CSGALNACT2: variants seen among roughly 807,000 people sequenced by gnomAD.
CSGALNACT2 encodes chondroitin sulfate N-acetylgalactosaminyltransferase 2.
Under a neutral mutation model 55.3 loss-of-function variants are expected in CSGALNACT2, and 35 were observed. The observed-to-expected ratio is 0.63, with a 90% confidence interval of 0.48 to 0.84. The LOEUF is 0.84. CSGALNACT2 is among the 40% of genes least tolerant of loss of function. The pLI is 0.00. For missense variants in CSGALNACT2, 544 were observed against 657.5 expected (o/e 0.83, Z 1.89); for synonymous variants, 196 against 224.9 (o/e 0.87, Z 1.15).
Position 43,179,948 on chromosome 10 carries a change from G to A in CSGALNACT2, c.1337-3302G>A, listed in dbSNP as rs914751369. On this transcript the variant is annotated intron_variant, in intron 7 of 7. Transcript: ENST00000374466. ...CAGTTCCTTAGGGAAGAACTTTGGAGCACTTTGTTCTTATGGACTTCCTCT... is the reference window on the plus strand; with the variant it reads ...CAGTTCCTTAGGGAAGAACTTTGGAACACTTTGTTCTTATGGACTTCCTCT... Among the ~76,000 whole-genome samples the A allele has an allele frequency of 2.0e-5, 3 of 152,322 alleles. No homozygotes were observed. In the East Asian group the frequency reaches 5.8e-4, roughly 29 times the overall value.
intron 6 of CSGALNACT2, among the ~76,000 whole-genome samples, chr10:43,174,372 C>T (rs1183093122): frequency 6.6e-6 from 1 of 152,118 alleles, no homozygotes; most frequent in Non-Finnish European, 1.5e-5. Flanking sequence ...GTCACCTCTG[C>T]AGACCTTGAT....
intron 6 of CSGALNACT2, 75 bp downstream of exon 6, chr10:43,167,173 A>C (rs1354136617): frequency 3.2e-6 from 3 of 942,420 alleles, no homozygotes; most frequent in Non-Finnish European, 5.0e-6. Flanking sequence ...AGTAGAAAAC[A>C]AAGTTTCAAT....
rs1354403467 is a variant in CSGALNACT2, at chr10:43,153,284, A to G, written c.-253-1613A>G. ...CAGGAGGCGGAGCTTGCAGCGAGCCAAGATCGCGCCACTGCACTGCAGCCT... is the reference window on the plus strand; with the variant it reads ...CAGGAGGCGGAGCTTGCAGCGAGCCGAGATCGCGCCACTGCACTGCAGCCT... On this transcript the variant is annotated intron_variant, in intron 1 of 7. Transcript: ENST00000374466. 8.5e-5 allele frequency among the ~76,000 whole-genome samples: 12 copies of G among 140,362 alleles called. 1 individual carries two copies. Among genetic ancestry groups the G allele is most frequent in the Admixed American group, 8.3e-4 (11 of 13,186 alleles). The allele number at this position is 140,362 out of a possible 152,430, so 92.1% of individuals were successfully genotyped here. A position where few individuals can be genotyped will look rare whatever the true frequency, so the allele number is the denominator to read the frequency against.
chr10:43,176,684 A>G (rs889568161), intron 7 of CSGALNACT2, among the ~76,000 whole-genome samples: 5 of 152,040 alleles, frequency 3.3e-5, no homozygotes, highest in African/African-American at 1.2e-4. Context: ...TCCTACCTCA[A>G]TCCCCAAGTA....
chr10:43,153,620 A>G (rs1345818040), intron 1 of CSGALNACT2, among the ~76,000 whole-genome samples: 1 of 152,186 alleles, frequency 6.6e-6, no homozygotes, highest in African/African-American at 2.4e-5. Flanking sequence ...CTGCAGTGAG[A>G]AAACCATTAC....
At chr10:43,160,373 T>G in intron 3 of CSGALNACT2, 121 bp from the exon 4 acceptor site, 4 of 603,016 alleles carry the variant, frequency 6.6e-6, no homozygotes, top group Non-Finnish European at 1.2e-5. Context: ...TATTGCCACA[T>G]TTATGTTTAC....
In CSGALNACT2 at chr10:43,163,946, G is replaced by A. The variant is rs571088199; in HGVS notation, c.1061G>A (p.Arg354Gln). 20 of 1,614,164 alleles carry A rather than the reference G, an allele frequency of 1.2e-5. No homozygotes were observed. The highest frequency in any genetic ancestry group is 1.5e-5 in the Non-Finnish European group (18 of 1,180,012). Residue 354 changes from arginine (R) to glutamine (Q), a missense_variant, in exon 5 of 8, where the codon CGA becomes CAA. Coordinates refer to ENST00000374466, the MANE Select transcript of CSGALNACT2 (RefSeq NM_018590.5). ...GGACGAGGACTAAATGTGGGTGCCC[G>A]AGCTTGGGACAAGGGAGAGGTCTTG... ...NRGRGLNVGA[R>Q]AWDKGEVLMF... is the part of the protein sequence containing the mutation.
At chr10:43,181,676 G>A (rs1310761423) in intron 7 of CSGALNACT2, among the ~76,000 whole-genome samples, 1 of 151,116 alleles carries the variant, frequency 6.6e-6, no homozygotes, top group Non-Finnish European at 1.5e-5. Flanking sequence ...TACTAAGGAG[G>A]CTAAGGCAGA....
In CSGALNACT2 at chr10:43,180,967, A is replaced by G. The variant is rs139844381; in HGVS notation, c.1337-2283A>G. On this transcript the variant is annotated intron_variant, in intron 7 of 7. Coordinates refer to ENST00000374466, the MANE Select transcript of CSGALNACT2 (RefSeq NM_018590.5). ...TCTGGTTAAATAACTTCTCCTAAGG[A>G]CAGGCTTTGTTAATAATGACAACAT... Among the ~76,000 whole-genome samples the G allele has an allele frequency of 2.2e-3, 331 of 152,322 alleles. 1 individual carries two copies. Among genetic ancestry groups the G allele is most frequent in the African/African-American group, 7.4e-3 (309 of 41,566 alleles).
At chr10:43,171,501 C>T (rs1359617772) in intron 6 of CSGALNACT2, among the ~76,000 whole-genome samples, 1 of 151,934 alleles carries the variant, frequency 6.6e-6, no homozygotes, top group East Asian at 1.9e-4. Context: ...TACAGGCACA[C>T]ACCACCACGC....
chr10:43,155,121 T>C lies in CSGALNACT2; in HGVS notation c.-29T>C. 6.4e-7 allele frequency: 1 copy of C among 1,558,944 alleles called. No homozygotes were observed. The highest frequency in any genetic ancestry group is 8.8e-7 in the Non-Finnish European group (1 of 1,140,158). ...AAGGTATGAACACACAAAGAGCTTA[T>C]TTTGTTAGGCAAATACACATTAATA... On this transcript the variant is annotated 5_prime_UTR_variant, in exon 2 of 8. Coordinates refer to ENST00000374466, the MANE Select transcript of CSGALNACT2 (RefSeq NM_018590.5).
intron 7 of CSGALNACT2, among the ~76,000 whole-genome samples, chr10:43,179,732 C>A (rs1388052781): frequency 6.6e-6 from 1 of 151,952 alleles, no homozygotes; most frequent in Non-Finnish European, 1.5e-5. Flanking sequence ...TTGTTCAGAC[C>A]CCAGGAGGTA....
chr10:43,147,177 G>A (rs1003975264), intron 1 of CSGALNACT2, among the ~76,000 whole-genome samples: 4 of 151,014 alleles, frequency 2.6e-5, no homozygotes, highest in African/African-American at 7.3e-5. Context: ...GGGTTTCACC[G>A]TTTTAGCCGG....
chr10:43,175,906 T>G, intron 6 of CSGALNACT2, 45 bp from the exon 7 acceptor site: 5 of 1,501,270 alleles, frequency 3.3e-6, no homozygotes, highest in Non-Finnish European at 4.5e-6. Flanking sequence ...AACTTCTGCT[T>G]CTTATGGAAT....
rs761820476 is a variant in CSGALNACT2 at position 43,162,135 on chromosome 10, A to G, written c.980+1540A>G. 12 of 518,820 alleles carry G rather than the reference A, an allele frequency of 2.3e-5. No individual in the cohort carries two copies. In the Middle Eastern group the frequency reaches 1.3e-3, roughly 55 times the overall value. 32.1% of individuals were successfully genotyped at this position (518,820 alleles called of 1,614,324 possible). On this transcript the variant is annotated intron_variant, in intron 4 of 7. Coordinates refer to ENST00000374466, the MANE Select transcript of CSGALNACT2 (RefSeq NM_018590.5). ...AGGGATTGGAACCAGAGACTTGAAT[A>G]CCATCAAAATTCTCGTCTCCTTGTC...
intron 4 of CSGALNACT2, chr10:43,162,801 T>C (rs1220088865): frequency 3.2e-5 from 29 of 911,346 alleles, no homozygotes; most frequent in Non-Finnish European, 3.7e-5. Flanking sequence ...CTGGCTGTAG[T>C]CTGAGAGTTT....
rs781532114 is a variant in CSGALNACT2, at chr10:43,155,535, A to T, written c.386A>T (p.Asp129Val). 6.2e-6 allele frequency: 10 copies of T among 1,614,126 alleles called. No homozygotes were observed. The Admixed American group carries it at 1.0e-4, about 16-fold the overall frequency. The change falls in exon 2 of 8, where the codon GAC becomes GTC. Residue 129 changes from aspartate to valine, a missense_variant. Around this residue, in one of 2 missense-constraint regions of CSGALNACT2, gnomAD observed 374 missense variants for 401.3 expected, o/e 0.93. Transcript: ENST00000374466. ...DLLEFLHSQI[D>V]KAEVSIGAKL... is the part of the protein sequence containing the mutation. Reference sequence around the variant, plus strand: ...TTAGAGTTTCTTCATTCCCAAATTGACAAAGCTGAAGTTAGCATAGGGGCC... The same window carrying T: ...TTAGAGTTTCTTCATTCCCAAATTGTCAAAGCTGAAGTTAGCATAGGGGCC...
intron 7 of CSGALNACT2, among the ~76,000 whole-genome samples, chr10:43,182,930 T>G (rs1336282821): frequency 6.6e-6 from 1 of 151,918 alleles, no homozygotes; most frequent in Non-Finnish European, 1.5e-5. Context: ...GGTGAGATTA[T>G]AGGTGACTTG....
chr10:43,175,837 C>T, intron 6 of CSGALNACT2, 114 bp from the exon 7 acceptor site: 3 of 870,046 alleles, frequency 3.4e-6, no homozygotes, highest in South Asian at 1.5e-5. Context: ...CTTAATCAGT[C>T]ACATAAATGA....
Sources: allele counts gnomAD v4.1 joint callset (sites outside exome capture counted in the v4.1 genomes callset), GRCh38; gene constraint gnomAD v4.1.1; regional missense constraint gnomAD v4.1.1; transcripts MANE v1.5; gene names NCBI Gene and HGNC (gene_info 2026-07-23, HGNC 2026-07-21).